The following CDH13 variants were observed in gnomAD, a reference collection of about 807,000 sequenced individuals.
CDH13 encodes the protein cadherin 13, also known as cadherin-13.
CDH13 carries 24 observed loss-of-function variants against 63.8 expected under a neutral mutation model. That is an observed-to-expected ratio of 0.38 (90% CI 0.27 to 0.53). The LOEUF is 0.53. CDH13 is among the 20% of genes least tolerant of loss of function. The probability of loss-of-function intolerance (pLI) is 0.85; values close to 1 mark genes in which losing one functional copy is unlikely to be tolerated. For missense variants in CDH13, 1,049 were observed against 903.1 expected (o/e 1.16, Z -2.07); for synonymous variants, 503 against 355.3 (o/e 1.42, Z -4.67).
intron 2 of CDH13, among the ~76,000 whole-genome samples, chr16:82,970,329 TG>T (rs538127099): frequency 6.6e-6 from 1 of 151,988 alleles, no homozygotes; most frequent in Non-Finnish European, 1.5e-5. Flanking sequence ...AGTCTATCAT[TG>T]ATGGGCATTT....
chr16:82,864,763 C>G (rs1188041311), intron 2 of CDH13, among the ~76,000 whole-genome samples: 1 of 152,160 alleles, frequency 6.6e-6, no homozygotes, highest in Non-Finnish European at 1.5e-5. Flanking sequence ...CATTTGAAAA[C>G]TAATCACACA....
At chr16:83,493,084 T>C (rs1979619) in intron 7 of CDH13, among the ~76,000 whole-genome samples, 106,125 of 152,048 alleles carry the variant, frequency 0.7, 37,760 homozygotes, top group East Asian at 0.89. Flanking sequence ...TTTCTTCATC[T>C]GCCACAGTGA....
At chr16:83,772,183 C>T (rs534275710) in intron 11 of CDH13, among the ~76,000 whole-genome samples, 1 of 152,044 alleles carries the variant, frequency 6.6e-6, no homozygotes, top group Non-Finnish European at 1.5e-5. Flanking sequence ...GACTGAAAGA[C>T]ATGCTTAAGA....
At chr16:82,775,275 T>C (rs552318759) in intron 1 of CDH13, among the ~76,000 whole-genome samples, 7 of 152,210 alleles carry the variant, frequency 4.6e-5, no homozygotes, top group Non-Finnish European at 1.0e-4. Flanking sequence ...AATCATGATA[T>C]ACAAGAAAGT....
At chr16:82,796,874 G>T (rs62036792) in intron 1 of CDH13, among the ~76,000 whole-genome samples, 5,652 of 152,290 alleles carry the variant, frequency 0.037, 160 homozygotes, top group Admixed American at 0.062. Flanking sequence ...TTCTCCAACG[G>T]CTGCACCTGT....
At chr16:83,473,947 C>T (rs1295981676) in intron 6 of CDH13, among the ~76,000 whole-genome samples, 2 of 152,126 alleles carry the variant, frequency 1.3e-5, no homozygotes, top group Non-Finnish European at 2.9e-5. Flanking sequence ...GAGTCATCTG[C>T]TATGGTACGA....
rs2091270700 is a variant in CDH13, at chr16:83,367,038, A to G, written c.781+22032A>G. 2.6e-5 allele frequency among the ~76,000 whole-genome samples: 4 copies of G among 152,154 alleles called. No individual in the cohort carries two copies. The South Asian group carries it at 8.3e-4, about 32-fold the overall frequency. ...ATTCAATGTTTTTTGGTCTATTTATAAAGTTACACAATCATCGCCACAATC... is the reference window on the plus strand; with the variant it reads ...ATTCAATGTTTTTTGGTCTATTTATGAAGTTACACAATCATCGCCACAATC... On this transcript the variant is annotated intron_variant, in intron 6 of 13. Transcript: ENST00000567109.
intron 3 of CDH13, among the ~76,000 whole-genome samples, chr16:83,073,354 T>TGTGTGAGAGA (rs1311548254): frequency 8.7e-4 from 121 of 139,856 alleles, no homozygotes; most frequent in African/African-American, 3.1e-3. Context: ...TGTGTGTGTG[T>TGTGTGAGAGA]GAGAGAGAGA....
intron 2 of CDH13, among the ~76,000 whole-genome samples, chr16:82,924,161 G>C (rs893384552): frequency 8.5e-5 from 13 of 152,246 alleles, no homozygotes; most frequent in Non-Finnish European, 1.5e-4. Context: ...GTTATACATT[G>C]CTTTTCTGTA....
intron 6 of CDH13, among the ~76,000 whole-genome samples, chr16:83,401,028 C>T (rs978247321): frequency 1.3e-5 from 2 of 152,020 alleles, no homozygotes; most frequent in African/African-American, 2.4e-5. Flanking sequence ...CGTGGTGAAA[C>T]CCCGTCTGTG....
chr16:83,726,601 C>T (rs1305076951), intron 10 of CDH13, among the ~76,000 whole-genome samples: 1 of 152,020 alleles, frequency 6.6e-6, no homozygotes, highest in Non-Finnish European at 1.5e-5. Context: ...TTTGGGAGGC[C>T]GAGGCGGGCA....
chr16:82,786,191 T>C (rs1468784942), intron 1 of CDH13, among the ~76,000 whole-genome samples: 1 of 152,202 alleles, frequency 6.6e-6, no homozygotes, highest in Non-Finnish European at 1.5e-5. Flanking sequence ...GGAAGTTAAG[T>C]TTAGAAGTAG....
chr16:82,902,072 G>A (rs1354946270), intron 2 of CDH13, among the ~76,000 whole-genome samples: 2 of 152,106 alleles, frequency 1.3e-5, no homozygotes, highest in Admixed American at 6.5e-5. Flanking sequence ...TTCAAAACTT[G>A]GGCTGTTTGC....
At chr16:83,188,600 G>C (rs150678171) in intron 4 of CDH13, among the ~76,000 whole-genome samples, 1 of 152,138 alleles carries the variant, frequency 6.6e-6, no homozygotes, top group Admixed American at 6.6e-5. Context: ...TCCCAAACCT[G>C]TCCTTTTTCT....
chr16:83,001,713 A>C (rs886475519), intron 2 of CDH13, among the ~76,000 whole-genome samples: 6 of 152,280 alleles, frequency 3.9e-5, no homozygotes, highest in Admixed American at 2.6e-4. Flanking sequence ...CCTACGGATG[A>C]TTGGCTGTGA....
intron 5 of CDH13, among the ~76,000 whole-genome samples, chr16:83,291,567 C>CA (rs80092217): frequency 0.028 from 4,235 of 151,986 alleles, 197 homozygotes; most frequent in African/African-American, 0.088. Context: ...TAACCCTATG[C>CA]AAAAATAATC....
At chr16:83,265,626 G>A (rs927559357) in intron 5 of CDH13, among the ~76,000 whole-genome samples, 1 of 143,532 alleles carries the variant, frequency 7.0e-6, no homozygotes, top group African/African-American at 2.6e-5. Flanking sequence ...AGTAATCTTT[G>A]TTTTGTGAAT....
intron 3 of CDH13, among the ~76,000 whole-genome samples, chr16:83,044,726 C>A (rs1421141033): frequency 1.3e-5 from 2 of 152,190 alleles, no homozygotes. Flanking sequence ...GACAGTGAGA[C>A]TCAGAGGTGG....
At chr16:82,928,216 T>G (rs1238219062) in intron 2 of CDH13, among the ~76,000 whole-genome samples, 2 of 152,090 alleles carry the variant, frequency 1.3e-5, no homozygotes, top group African/African-American at 4.8e-5. Flanking sequence ...CATAAGGCTT[T>G]TTGATGACTG....
Sources: allele counts gnomAD v4.1 joint callset (sites outside exome capture counted in the v4.1 genomes callset), GRCh38; gene constraint gnomAD v4.1.1; transcripts MANE v1.5; gene names NCBI Gene and HGNC (gene_info 2026-07-23, HGNC 2026-07-21).